MATCAP2: variants seen among roughly 807,000 people sequenced by gnomAD.
MATCAP2 encodes putative tyrosine carboxypeptidase MATCAP2.
At chr7:36,366,769 G>T in the MATCAP2 span, 2 of 1,534,694 alleles carry the variant, frequency 1.3e-6, no homozygotes, top group Non-Finnish European at 1.7e-6. Context: ...TTTCGCGAGC[G>T]CCTCCTGCGC....
chr7:36,336,445 A>G, the MATCAP2 span: 1 of 694,248 alleles, frequency 1.4e-6, no homozygotes, highest in East Asian at 2.8e-5. Flanking sequence ...TTCTAATCCT[A>G]AACAACTTCC....
chr7:36,347,091 T>G, the MATCAP2 span, among the ~76,000 whole-genome samples: 2 of 152,182 alleles, frequency 1.3e-5, no homozygotes, highest in Admixed American at 1.3e-4. Flanking sequence ...TTTAGTTTAG[T>G]TTTACATTGC....
chr7:36,371,400 A>G, the MATCAP2 span, among the ~76,000 whole-genome samples: 1 of 152,310 alleles, frequency 6.6e-6, no homozygotes, highest in East Asian at 1.9e-4. Context: ...GATGTGAGCC[A>G]GTATTTTTTT....
At chr7:36,340,344 T>A in the MATCAP2 span, among the ~76,000 whole-genome samples, 75,334 of 152,068 alleles carry the variant, frequency 0.5, 18,979 homozygotes, top group African/African-American at 0.53. Flanking sequence ...ATCACAGATC[T>A]CAGAATGAAT....
the MATCAP2 span, among the ~76,000 whole-genome samples, chr7:36,375,154 C>G: frequency 2.6e-5 from 4 of 152,158 alleles, no homozygotes; most frequent in African/African-American, 9.7e-5. Flanking sequence ...ATACTCCCAC[C>G]AACAGTGTAA....
the MATCAP2 span, among the ~76,000 whole-genome samples, chr7:36,388,384 C>T: frequency 3.3e-4 from 50 of 151,754 alleles, no homozygotes; most frequent in Middle Eastern, 3.4e-3. Flanking sequence ...TACCTCTTGC[C>T]GTGATTTCAG....
At chr7:36,371,275 C>T in the MATCAP2 span, among the ~76,000 whole-genome samples, 1 of 151,864 alleles carries the variant, frequency 6.6e-6, no homozygotes, top group Non-Finnish European at 1.5e-5. Context: ...CCAGGCCAGG[C>T]GAATTTTTTG....
At chr7:36,342,674 G>C in the MATCAP2 span, among the ~76,000 whole-genome samples, 4 of 151,840 alleles carry the variant, frequency 2.6e-5, no homozygotes, top group African/African-American at 9.7e-5. Context: ...GCCCAGGCTG[G>C]AGTGCAGTGG....
chr7:36,365,247 T>C, the MATCAP2 span, among the ~76,000 whole-genome samples: 14 of 152,348 alleles, frequency 9.2e-5, no homozygotes, highest in African/African-American at 2.6e-4. Flanking sequence ...TAATGTGCAC[T>C]GTGACAGAAT....
At chr7:36,364,378 T>C in the MATCAP2 span, among the ~76,000 whole-genome samples, 3 of 152,158 alleles carry the variant, frequency 2.0e-5, no homozygotes, top group East Asian at 5.8e-4. Context: ...TGTGAGCCAC[T>C]GCACCCAGCC....
At chr7:36,357,271 G>A in the MATCAP2 span, 2 of 1,614,114 alleles carry the variant, frequency 1.2e-6, no homozygotes, top group Non-Finnish European at 1.7e-6. Flanking sequence ...GCCTCTCCAG[G>A]CAGTACCAAG....
chr7:36,345,693 A>G, the MATCAP2 span, among the ~76,000 whole-genome samples: 2 of 152,204 alleles, frequency 1.3e-5, no homozygotes, highest in East Asian at 1.9e-4. Context: ...TATCATATAT[A>G]AAAATTAACT....
chr7:36,387,550 A>T, the MATCAP2 span, among the ~76,000 whole-genome samples: 114 of 152,188 alleles, frequency 7.5e-4, no homozygotes, highest in Non-Finnish European at 5.9e-5. Context: ...AGACAATTGT[A>T]ATACCCTAGG....
the MATCAP2 span, among the ~76,000 whole-genome samples, chr7:36,332,682 C>T: frequency 6.6e-6 from 1 of 152,220 alleles, no homozygotes; most frequent in Non-Finnish European, 1.5e-5. Context: ...AGTCCCAGCA[C>T]TTTGGGAGGC....
chr7:36,341,330 G>A, the MATCAP2 span, among the ~76,000 whole-genome samples: 7 of 152,068 alleles, frequency 4.6e-5, no homozygotes, highest in African/African-American at 1.7e-4. Flanking sequence ...AAAAGAATGG[G>A]TAAGAAGAAA....
At chr7:36,383,850 C>T in the MATCAP2 span, 1 of 1,585,730 alleles carries the variant, frequency 6.3e-7, no homozygotes, top group South Asian at 1.1e-5. Flanking sequence ...GGCCCTTCAG[C>T]CAAATAACCT....
At chr7:36,334,291 C>T in the MATCAP2 span, 6 of 695,474 alleles carry the variant, frequency 8.6e-6, no homozygotes, top group South Asian at 7.5e-5. Context: ...AATCCCAGCA[C>T]TTTGGAAGGC....
chr7:36,347,060 AT>A, the MATCAP2 span, among the ~76,000 whole-genome samples: 7 of 152,098 alleles, frequency 4.6e-5, no homozygotes, highest in Non-Finnish European at 1.5e-5. Context: ...TGTCCGGTCT[AT>A]TTTATTGCTT....
At chr7:36,357,104 G>T in the MATCAP2 span, 7 of 1,614,062 alleles carry the variant, frequency 4.3e-6, no homozygotes, top group Non-Finnish European at 5.1e-6. Flanking sequence ...AAAGCTTCTA[G>T]ACAGCTGAGG....
Sources: allele counts gnomAD v4.1 joint callset (sites outside exome capture counted in the v4.1 genomes callset), GRCh38; gene constraint gnomAD v4.1.1; transcripts MANE v1.5; gene names NCBI Gene and HGNC (gene_info 2026-07-23, HGNC 2026-07-21).